TTN: variants seen among roughly 807,000 people sequenced by gnomAD.
The protein encoded by TTN is connectin.
A neutral mutation model predicts 3,223.0 loss-of-function variants in TTN; 1,525 were observed. The observed-to-expected ratio is 0.47, with a 90% CI of 0.45 to 0.49. TTN has a LOEUF of 0.49. Ranked by LOEUF, TTN falls within the 20% of genes least tolerant of loss-of-function variation. TTN has a pLI of 0.00. For synonymous variants in TTN, 14,094 were observed against 15,161.0 expected, an observed-to-expected ratio of 0.93 and a Z score of 5.17; for missense variants, 40,786 against 43,424.0, an observed-to-expected ratio of 0.94 and a Z score of 5.40.
At position 178,625,296 on chromosome 2, in the gene TTN, G is replaced by A. The variant is rs370782364; in HGVS notation, c.44525C>T (p.Thr14842Ile). ...ACCTTTCACAAAGAGGTTGGCGTGA[G>A]TTTTGAAATCTTTTGCTGTTAGTTG... ...EVQLTAKDFK[T>I]HANLFVKEPP... is the part of the protein sequence containing the mutation. The change falls in exon 241 of 363, where the codon ACT becomes ATT. Residue 14842 changes from threonine to isoleucine, a missense_variant. Thr to Ile is a moderately conservative substitution (Grantham distance 89). Transcript: ENST00000589042. 7 of 1,607,162 alleles carry A rather than the reference G, an allele frequency of 4.4e-6. No homozygotes were observed. The African/African-American group carries it at 5.4e-5, about 12-fold the overall frequency.
In TTN at chr2:178,677,784, T is replaced by C; in HGVS notation, c.34128A>G (p.Glu11376=). The C allele has an allele frequency of 6.2e-7, 1 of 1,612,704 alleles. No individual in the cohort carries two copies. Among genetic ancestry groups the C allele is most frequent in the Non-Finnish European group, 8.5e-7 (1 of 1,179,120 alleles). ...EEEEVLPEEE[E]VLPEEEEVLP... is the part of the protein sequence containing the mutation. ...GAACTTCCTCTTCTTCAGGTAGAAC[T>C]TCCTCTTCCTCAGGTAGAACTTCCT... The change falls in exon 146 of 363, where the codon GAA becomes GAG. Residue 11376 remains glutamate (E), a synonymous_variant. Coordinates refer to ENST00000589042, the MANE Select transcript of TTN (RefSeq NM_001267550.2).
intron 47 of TTN, chr2:178,745,226 C>T (rs1270854813): frequency 4.7e-6 from 5 of 1,073,646 alleles, no homozygotes; most frequent in Middle Eastern, 4.4e-4. Flanking sequence ...TTACATTGTA[C>T]TTTTGCATAT....
chr2:178,763,870 A>C (rs774941276), intron 43 of TTN, among the ~76,000 whole-genome samples: 7 of 152,220 alleles, frequency 4.6e-5, no homozygotes, highest in Non-Finnish European at 7.3e-5. Flanking sequence ...TCAATGAAGA[A>C]ATTAAAGTGC....
Position 178,671,188 on chromosome 2 carries a change from T to C in TTN, c.35228-18A>G. ...CTCAGGCCCTTCAAAGATATTAGTATTTTGGTTTAGAATGAACTCTTGAAG... is the reference window on the plus strand; with the variant it reads ...CTCAGGCCCTTCAAAGATATTAGTACTTTGGTTTAGAATGAACTCTTGAAG... On this transcript the variant is annotated intron_variant, in intron 155 of 362. Transcript: ENST00000589042. The C allele has an allele frequency of 6.3e-7, 1 of 1,575,842 alleles. No individual in the cohort carries two copies. Among genetic ancestry groups the C allele is most frequent in the South Asian group, 1.2e-5 (1 of 83,142 alleles).
chr2:178,745,949 T>G, intron 47 of TTN: 1 of 1,609,706 alleles, frequency 6.2e-7, no homozygotes, highest in Non-Finnish European at 8.5e-7. Context: ...TAAAGTCACT[T>G]TGCTTTTCTT....
In TTN at chr2:178,653,090, CT is replaced by C; in HGVS notation, c.38825del (p.Lys12942ArgfsTer5). 2 of 1,613,102 alleles carry C rather than the reference CT, an allele frequency of 1.2e-6. No individual in the cohort carries two copies. Among genetic ancestry groups the C allele is most frequent in the Non-Finnish European group, 1.7e-6 (2 of 1,179,524 alleles). On this transcript the variant is annotated frameshift_variant, in exon 199 of 363. Transcript: ENST00000589042. LOFTEE classifies it high-confidence loss of function. ...PEAPKEVVPEKKVPVTPPKKP... is the reference protein window; with the variant it reads ...PEAPKEVVPEXKVPVTPPKKP... ...TTTTAGGAGGAGTCACTGGCACTTTCTTTTCAGGAACAACTTCTTTGGGAGC... is the reference window on the plus strand; with the variant it reads ...TTTTAGGAGGAGTCACTGGCACTTTCTTTCAGGAACAACTTCTTTGGGAGC...
In TTN at chr2:178,569,050, C is replaced by A. The variant is rs757757476; in HGVS notation, c.77082G>T (p.Lys25694Asn). 6.2e-7 allele frequency: 1 copy of A among 1,613,268 alleles called. No individual in the cohort carries two copies. Among genetic ancestry groups the A allele is most frequent in the South Asian group, 1.1e-5 (1 of 91,022 alleles). The change falls in exon 326 of 363, where the codon AAG (lysine) becomes AAT (asparagine). Residue 25694 changes from lysine (K) to asparagine (N), a missense_variant. Coordinates refer to ENST00000589042, the MANE Select transcript of TTN (RefSeq NM_001267550.2). ...CAGGAGGTTGTGGCACTTCTGCAAC[C>A]TTAATTGGATCAGCAGTCTGGGCAG... is the stretch of plus-strand genomic sequence containing the variant. ...GLPAQTADPI[K>N]VAEVPQPPGK...
chr2:178,553,417 C>T (rs367790760), intron 334 of TTN, 21 bp from the exon 335 acceptor site: 72 of 1,574,578 alleles, frequency 4.6e-5, no homozygotes, highest in Middle Eastern at 3.4e-4. Flanking sequence ...AAAATGGATA[C>T]ATACAGTGAA....
chr2:178,527,727 C>T lies in TTN; in HGVS notation c.107399G>A (p.Arg35800Lys). ...ACCACTTGTTCTCAATACTACCTCT[C>T]TGGAAGGTTCTTCAACTAGAGCTGT... is the stretch of plus-strand genomic sequence containing the variant. The part of the protein sequence containing the change: ...MVLPLVEEPS[R>K]EVVLRTSGDT... Residue 35800 changes from arginine (R) to lysine (K), a missense_variant, in exon 362 of 363, where the codon AGA becomes AAA. Physicochemically the swap from Arg to Lys is conservative, Grantham distance 26. Coordinates refer to ENST00000589042, the MANE Select transcript of TTN (RefSeq NM_001267550.2). 1 of 1,601,808 alleles carries T rather than the reference C, an allele frequency of 6.2e-7. No individual in the cohort carries two copies. Among genetic ancestry groups the T allele is most frequent in the Middle Eastern group, 1.7e-4 (1 of 5,950 alleles).
intron 33 of TTN, 28 bp from the exon 34 acceptor site, chr2:178,771,499 G>A (rs763449046): frequency 1.3e-5 from 21 of 1,613,608 alleles, no homozygotes; most frequent in South Asian, 9.9e-5. Context: ...TACAGTATGA[G>A]TCCTTTAAAC....
At chr2:178,726,645 A>G (rs1445515035) in intron 69 of TTN, 1 of 153,744 alleles carries the variant, frequency 6.5e-6, no homozygotes, top group East Asian at 1.9e-4. Context: ...AGAGAAGGAA[A>G]AAATATTATT....
intron 218 of TTN, among the ~76,000 whole-genome samples, chr2:178,643,143 A>G (rs931383028): frequency 1.3e-5 from 2 of 151,952 alleles, no homozygotes; most frequent in Non-Finnish European, 2.9e-5. Context: ...AATGTCAATT[A>G]AAATCTAATT....
chr2:178,603,664 A>T (rs1396158149), intron 282 of TTN, among the ~76,000 whole-genome samples: 1 of 152,018 alleles, frequency 6.6e-6, no homozygotes, highest in Non-Finnish European at 1.5e-5. Context: ...TACAAACTGT[A>T]TGATTTTATG....
chr2:178,732,006 G>A, intron 57 of TTN, 35 bp from the exon 58 acceptor site: 1 of 1,591,318 alleles, frequency 6.3e-7, no homozygotes, highest in South Asian at 1.1e-5. Flanking sequence ...CATTAAGGGA[G>A]GAGGGGTCTG....
rs760822987 is a variant in TTN, at chr2:178,579,843, G to A, written c.67354C>T (p.Pro22452Ser). Residue 22452 changes from proline (P) to serine (S), a missense_variant, in exon 319 of 363, where the codon CCT becomes TCT. Transcript: ENST00000589042. ...ACTTTCAGGTCCACAACTGGTCCAG[G>A]AGTTTCTAAAGCAAAGGAGAAATGA... ...TRDAVKASQT[P>S]GPVVDLKVRS... The A allele has an allele frequency of 1.4e-5, 23 of 1,612,676 alleles. No individual in the cohort carries two copies. Among genetic ancestry groups the A allele is most frequent in the Non-Finnish European group, 1.9e-5 (22 of 1,179,390 alleles).
chr2:178,564,308 G>T lies in TTN; in HGVS notation c.81824C>A (p.Ala27275Asp). The T allele has an allele frequency of 6.2e-7, 1 of 1,613,554 alleles. No homozygotes were observed. The highest frequency in any genetic ancestry group is 8.5e-7 in the Non-Finnish European group (1 of 1,179,732). ...TARDEIDAPN[A>D]SLDPKYKDVI... The stretch of plus-strand genomic sequence containing the variant: ...ATCTTTATATTTTGGATCCAGAGAG[G>T]CATTTGGTGCATCAATTTCATCTCT... Residue 27275 changes from alanine to aspartate, a missense_variant, in exon 326 of 363, where the codon GCC (alanine) becomes GAC (aspartate). Physicochemically the swap from Ala to Asp is moderately radical, Grantham distance 126. Transcript: ENST00000589042.
At chr2:178,802,096 C>T (rs759524805) in intron 3 of TTN, 42 bp downstream of exon 3, 1 of 1,612,650 alleles carries the variant, frequency 6.2e-7, no homozygotes. Context: ...CTGGAGATGT[C>T]CTCTGGGGGA....
intron 8 of TTN, 36 bp from the exon 9 acceptor site, chr2:178,793,577 T>G (rs1034770995): frequency 6.2e-7 from 1 of 1,610,984 alleles, no homozygotes; most frequent in African/African-American, 1.3e-5. Flanking sequence ...AACACCTTAA[T>G]GCATCTTACA....
At chr2:178,760,912 A>T (rs945940199) in intron 43 of TTN, 1 of 151,704 alleles carries the variant, frequency 6.6e-6, no homozygotes, top group Non-Finnish European at 1.5e-5. Context: ...ATCCTCTTAC[A>T]AGGTTCTCTG....
Sources: allele counts gnomAD v4.1 joint callset (sites outside exome capture counted in the v4.1 genomes callset), GRCh38; gene constraint gnomAD v4.1.1; transcripts MANE v1.5; gene names NCBI Gene and HGNC (gene_info 2026-07-23, HGNC 2026-07-21).